DAB1: variants seen among roughly 807,000 people sequenced by gnomAD.
DAB1 encodes disabled homolog 1.
Under a neutral mutation model 64.6 loss-of-function variants are expected in DAB1, and 15 were observed. That is an observed-to-expected ratio of 0.23 (90% CI 0.16 to 0.36). The LOEUF (loss-of-function observed/expected upper bound fraction) is 0.36. Ranked by LOEUF, DAB1 falls within the 10% of genes least tolerant of loss-of-function variation. DAB1 has a pLI of 1.00. For synonymous variants in DAB1, 235 were observed against 251.9 expected (o/e 0.93, Z 0.64); for missense variants, 596 against 706.7 (o/e 0.84, Z 1.78).
chr1:57,653,156 C>T (rs546342002), intron 6 of DAB1, among the ~76,000 whole-genome samples: 8 of 152,242 alleles, frequency 5.3e-5, no homozygotes, highest in East Asian at 1.9e-4. Flanking sequence ...TTGTTTCAGA[C>T]CTTTTTTAAT....
intron 3 of DAB1, among the ~76,000 whole-genome samples, chr1:58,461,103 C>T (rs1466705184): frequency 6.6e-6 from 1 of 152,174 alleles, no homozygotes; most frequent in Non-Finnish European, 1.5e-5. Flanking sequence ...TTAAAAGAGT[C>T]ATCAGTGTAA....
At chr1:57,037,392 G>T (rs1168708088) in intron 9 of DAB1, among the ~76,000 whole-genome samples, 3 of 152,202 alleles carry the variant, frequency 2.0e-5, no homozygotes. Context: ...GCAGAGCTAT[G>T]CTGTATAATC....
rs74988918 is a variant in DAB1 at position 57,534,602 on chromosome 1, G to A, written n.625+114990C>T. ...AGAGCCCACGCTGTGAAGTAGTAGG[G>A]ATTATTTTCCTTGTGTTTTGCCTTA... On this transcript the variant is annotated intron_variant and non_coding_transcript_variant, in intron 7 of 20. Transcript: ENST00000485760. Among the ~76,000 whole-genome samples the A allele has an allele frequency of 8.3e-3, 1,257 of 152,280 alleles. 15 individuals carry two copies. The highest frequency in any genetic ancestry group is 0.029 in the African/African-American group (1,208 of 41,568).
At chr1:58,435,077 T>C (rs1264597873) in intron 3 of DAB1, among the ~76,000 whole-genome samples, 1 of 152,176 alleles carries the variant, frequency 6.6e-6, no homozygotes, top group African/African-American at 2.4e-5. Context: ...GCCTTGTGGA[T>C]TGCATTACTT....
intron 7 of DAB1, among the ~76,000 whole-genome samples, chr1:57,514,221 C>T (rs1457322352): frequency 1.3e-5 from 2 of 152,292 alleles, no homozygotes; most frequent in East Asian, 3.9e-4. Flanking sequence ...ATTGCTGGGT[C>T]ATATGGTAGT....
At chr1:57,544,252 G>C (rs922251579) in intron 7 of DAB1, among the ~76,000 whole-genome samples, 2 of 152,176 alleles carry the variant, frequency 1.3e-5, no homozygotes, top group African/African-American at 4.8e-5. Flanking sequence ...AATCAGATTA[G>C]CAATTCAACA....
intron 2 of DAB1, among the ~76,000 whole-genome samples, chr1:57,225,329 C>T (rs1667181972): frequency 6.6e-6 from 1 of 152,294 alleles, no homozygotes; most frequent in Admixed American, 6.5e-5. Context: ...GTTGTGGGGT[C>T]TGTGCTTAAC....
At chr1:57,877,695 G>GCTCCC (rs1644073434) in intron 1 of DAB1, among the ~76,000 whole-genome samples, 1 of 82,174 alleles carries the variant, frequency 1.2e-5, no homozygotes, top group South Asian at 3.4e-4. Context: ...CGAGTAGCTG[G>GCTCCC]GACTACAGGC....
intron 1 of DAB1, among the ~76,000 whole-genome samples, chr1:57,834,688 G>GAT (rs962320362): frequency 6.6e-6 from 1 of 150,920 alleles, no homozygotes; most frequent in African/African-American, 2.4e-5. Flanking sequence ...TATGTGTATA[G>GAT]ATATATATTA....
intron 7 of DAB1, among the ~76,000 whole-genome samples, chr1:57,624,105 G>A (rs1645894323): frequency 6.6e-6 from 1 of 152,176 alleles, no homozygotes; most frequent in Non-Finnish European, 1.5e-5. Flanking sequence ...CTAACCCACA[G>A]GTTTGTTGTC....
At chr1:57,997,732 A>T (rs1015719188) in intron 5 of DAB1, among the ~76,000 whole-genome samples, 8 of 152,100 alleles carry the variant, frequency 5.3e-5, no homozygotes, top group African/African-American at 1.9e-4. Context: ...GCAGTAGAAG[A>T]ATCTGAGACA....
chr1:57,558,828 C>T (rs190593789), intron 7 of DAB1, among the ~76,000 whole-genome samples: 7 of 152,204 alleles, frequency 4.6e-5, no homozygotes, highest in African/African-American at 7.2e-5. Flanking sequence ...AAAGGCTTAG[C>T]GAGATTGGGA....
At chr1:58,493,890 C>A (rs1357759189) in intron 3 of DAB1, among the ~76,000 whole-genome samples, 1 of 150,992 alleles carries the variant, frequency 6.6e-6, no homozygotes, top group African/African-American at 2.4e-5. Context: ...CTACCAATGA[C>A]TTTCTTCACA....
At chr1:57,723,336 C>CA (rs1279545511) in intron 6 of DAB1, among the ~76,000 whole-genome samples, 140 of 152,244 alleles carry the variant, frequency 9.2e-4, no homozygotes, top group Middle Eastern at 6.8e-3. Context: ...ATTTTTAGTT[C>CA]TATGTACTCA....
At chr1:58,293,749 C>T (rs578137122) in intron 4 of DAB1, among the ~76,000 whole-genome samples, 2 of 152,306 alleles carry the variant, frequency 1.3e-5, no homozygotes, top group African/African-American at 2.4e-5. Context: ...CCATAAGCCC[C>T]TTCCTTTTGT....
intron 6 of DAB1, among the ~76,000 whole-genome samples, chr1:57,682,776 T>A (rs1476104017): frequency 6.6e-6 from 1 of 152,064 alleles, no homozygotes; most frequent in African/African-American, 2.4e-5. Flanking sequence ...CAGCCATAGG[T>A]GTCCATCCCC....
intron 7 of DAB1, among the ~76,000 whole-genome samples, chr1:57,594,551 T>C (rs969616846): frequency 1.3e-5 from 2 of 151,726 alleles, no homozygotes; most frequent in African/African-American, 4.8e-5. Flanking sequence ...CAACTAGGAG[T>C]CACCTGAAAT....
intron 4 of DAB1, among the ~76,000 whole-genome samples, chr1:57,081,826 G>A (rs995571827): frequency 4.6e-5 from 7 of 152,058 alleles, no homozygotes; most frequent in Non-Finnish European, 8.8e-5. Flanking sequence ...ATCATGAAAT[G>A]TCTTTGGTTA....
rs773272378 is a variant in DAB1, at chr1:57,015,160, G to A, written c.1167C>T (p.Thr389=). 1.7e-5 allele frequency: 28 copies of A among 1,614,040 alleles called. No homozygotes were observed. The highest frequency in any genetic ancestry group is 3.3e-5 in the South Asian group (3 of 91,088). Residue 389 remains threonine, a synonymous_variant, in exon 12 of 15, where the codon ACC becomes ACT. Transcript: ENST00000371236. ...TGGTGGAGTCACTCGTGCCTGGGAC[G>A]GTGGCAAGGGGGGTGAGGGGACCTT... ...MFQGPLTPLA[T]VPGTSDSTRS... is the part of the protein sequence containing the mutation.
Sources: allele counts gnomAD v4.1 joint callset (sites outside exome capture counted in the v4.1 genomes callset), GRCh38; gene constraint gnomAD v4.1.1; transcripts MANE v1.5; gene names NCBI Gene and HGNC (gene_info 2026-07-23, HGNC 2026-07-21).